ADAMTSL3: variants seen among roughly 807,000 people sequenced by gnomAD.
ADAMTSL3 encodes ADAMTS like 3.
A neutral mutation model predicts 201.7 loss-of-function variants in ADAMTSL3; 128 were observed. That is an observed-to-expected ratio of 0.63 (90% confidence interval 0.55 to 0.73). The LOEUF is 0.73. Among genes scored for constraint, ADAMTSL3 ranks in the 30% least tolerant of loss-of-function variants. ADAMTSL3 has a pLI of 0.00. For synonymous variants in ADAMTSL3, 738 were observed against 748.4 expected (o/e 0.99, Z 0.23); for missense variants, 1,990 against 2,119.6 (o/e 0.94, Z 1.20).
Position 83,990,902 on chromosome 15 carries a change from A to AT in ADAMTSL3, c.3845-183dup, listed in dbSNP as rs149978706. On this transcript the variant is annotated intron_variant, in intron 22 of 29. Transcript: ENST00000286744. Reference sequence around the variant, plus strand: ...TCTATCCATTCATCCATCTGTCCGTATGTCCACTGAGCACCTCCAGGTATG... The same window carrying AT: ...TCTATCCATTCATCCATCTGTCCGTATTGTCCACTGAGCACCTCCAGGTATG... 9.1e-3 allele frequency among the ~76,000 whole-genome samples: 1,379 copies of AT among 152,196 alleles called. 23 individuals are homozygous for AT. The highest frequency in any genetic ancestry group is 0.032 in the African/African-American group (1,316 of 41,524).
chr15:83,918,201 A>T (rs114643077), intron 16 of ADAMTSL3, among the ~76,000 whole-genome samples: 21 of 152,254 alleles, frequency 1.4e-4, no homozygotes, highest in African/African-American at 5.1e-4. Flanking sequence ...GATAATGCCA[A>T]CCTTGTTTTG....
At chr15:83,667,163 T>C (rs955495061) in intron 2 of ADAMTSL3, among the ~76,000 whole-genome samples, 4 of 152,132 alleles carry the variant, frequency 2.6e-5, no homozygotes, top group Admixed American at 1.3e-4. Context: ...CCTAGTCTTA[T>C]ATTTCTTTTT....
At chr15:83,973,043 C>T (rs2067223999) in intron 20 of ADAMTSL3, among the ~76,000 whole-genome samples, 1 of 152,162 alleles carries the variant, frequency 6.6e-6, no homozygotes, top group Non-Finnish European at 1.5e-5. Context: ...TTCTTCAGGA[C>T]ACACCACCAC....
rs548839306 is a variant in ADAMTSL3 at position 83,821,758 on chromosome 15, T to C, written c.600+1711T>C. Among the ~76,000 whole-genome samples, 214 of 152,252 alleles carry C rather than the reference T, an allele frequency of 1.4e-3. 2 individuals carry two copies. Among genetic ancestry groups the C allele is most frequent in the Non-Finnish European group, 1.9e-3 (129 of 68,012 alleles). On this transcript the variant is annotated intron_variant, in intron 6 of 29. Coordinates refer to ENST00000286744, the MANE Select transcript of ADAMTSL3 (RefSeq NM_207517.3). ...GGCCCGTTCTCAATGAGCTGTTGGGTACACCTCCCAGACGGGGTGGTGGCC... is the reference window on the plus strand; with the variant it reads ...GGCCCGTTCTCAATGAGCTGTTGGGCACACCTCCCAGACGGGGTGGTGGCC...
At chr15:83,714,712 C>A (rs377557747) in intron 3 of ADAMTSL3, among the ~76,000 whole-genome samples, 1 of 127,328 alleles carries the variant, frequency 7.9e-6, no homozygotes, top group East Asian at 2.4e-4. Context: ...TTCCCTCCTT[C>A]CCTCTTTCTT....
At chr15:83,880,247 A>G (rs938244654) in intron 9 of ADAMTSL3, among the ~76,000 whole-genome samples, 1 of 152,116 alleles carries the variant, frequency 6.6e-6, no homozygotes, top group Admixed American at 6.5e-5. Context: ...ATGTATTTAT[A>G]TGTAATTATA....
intron 6 of ADAMTSL3, among the ~76,000 whole-genome samples, chr15:83,824,652 C>T (rs770291017): frequency 6.6e-6 from 1 of 152,160 alleles, no homozygotes; most frequent in Non-Finnish European, 1.5e-5. Flanking sequence ...TCTCTCCTCG[C>T]TAACCCCTGG....
chr15:83,975,677 T>TCGGG (rs1326770311), intron 20 of ADAMTSL3, among the ~76,000 whole-genome samples: 1 of 152,118 alleles, frequency 6.6e-6, no homozygotes, highest in East Asian at 1.9e-4. Context: ...TGTCTGTTCA[T>TCGGG]CGGGCCCACA....
rs562100504 is a variant in ADAMTSL3, at chr15:83,823,085, A to G, written c.600+3038A>G. Among the ~76,000 whole-genome samples the G allele has an allele frequency of 5.7e-4, 86 of 151,838 alleles. No individual in the cohort carries two copies. The East Asian group carries it at 0.016, about 29-fold the overall frequency. The stretch of plus-strand genomic sequence containing the variant: ...CGGCGCGCGCCTGCAAATTGCAGGC[A>G]CTCGGCAGGCTGAGGCAGGAGAATG... On this transcript the variant is annotated intron_variant, in intron 6 of 29. Coordinates refer to ENST00000286744, the MANE Select transcript of ADAMTSL3 (RefSeq NM_207517.3).
intron 4 of ADAMTSL3, among the ~76,000 whole-genome samples, chr15:83,795,768 A>G (rs926288144): frequency 3.3e-4 from 50 of 152,216 alleles, no homozygotes; most frequent in African/African-American, 1.1e-3. Flanking sequence ...GGAAATTAAT[A>G]TGAAAATTGA....
intron 7 of ADAMTSL3, among the ~76,000 whole-genome samples, chr15:83,848,123 C>T (rs923320432): frequency 6.7e-6 from 1 of 150,290 alleles, no homozygotes; most frequent in African/African-American, 2.5e-5. Flanking sequence ...AAATACTCGA[C>T]AGAAAATTTT....
At chr15:83,689,685 C>T (rs2061586065) in intron 2 of ADAMTSL3, among the ~76,000 whole-genome samples, 2 of 152,128 alleles carry the variant, frequency 1.3e-5, no homozygotes, top group South Asian at 4.1e-4. Context: ...ATTTAGAAAT[C>T]TGCCTTCATT....
At chr15:83,715,613 G>C (rs1196209476) in intron 3 of ADAMTSL3, among the ~76,000 whole-genome samples, 1 of 152,170 alleles carries the variant, frequency 6.6e-6, no homozygotes, top group Non-Finnish European at 1.5e-5. Flanking sequence ...GCTCCAGATT[G>C]TACTCTGCAG....
intron 19 of ADAMTSL3, among the ~76,000 whole-genome samples, chr15:83,963,036 C>T (rs894969756): frequency 6.6e-6 from 1 of 152,162 alleles, no homozygotes; most frequent in African/African-American, 2.4e-5. Context: ...CCAGGAGATT[C>T]CCCCGGGTGC....
At position 83,891,313 on chromosome 15, in the gene ADAMTSL3, A is replaced by G. The variant is rs200042144; in HGVS notation, c.1212-16A>G. On this transcript the variant is annotated splice_polypyrimidine_tract_variant and intron_variant, in intron 11 of 29. Coordinates refer to ENST00000286744, the MANE Select transcript of ADAMTSL3 (RefSeq NM_207517.3). ...TTATTATAGAAATGATATTCTCACA[A>G]TGATTTCATTTGTAGTGATGGATTT... 4.2e-5 allele frequency: 67 copies of G among 1,586,784 alleles called. No individual in the cohort carries two copies. The African/African-American group carries it at 6.9e-4, about 16-fold the overall frequency.
At chr15:83,891,677 C>A (rs1331466744) in intron 12 of ADAMTSL3, among the ~76,000 whole-genome samples, 1 of 152,060 alleles carries the variant, frequency 6.6e-6, no homozygotes, top group Non-Finnish European at 1.5e-5. Context: ...CCTTTTATAC[C>A]GAGATGAGTA....
chr15:83,714,807 C>CTTTCTTTCTTTCTTTCTTTT (rs1555433231), intron 3 of ADAMTSL3, among the ~76,000 whole-genome samples: 1 of 71,034 alleles, frequency 1.4e-5, no homozygotes. Context: ...CTCTTTCTTT[C>CTTTCTTTCTTTCTTTCTTTT]TTCTTTCTTT....
intron 17 of ADAMTSL3, among the ~76,000 whole-genome samples, chr15:83,942,316 A>C (rs1487380460): frequency 6.6e-6 from 1 of 152,190 alleles, no homozygotes; most frequent in African/African-American, 2.4e-5. Context: ...TATTTTTGAT[A>C]TATAGTGGTA....
chr15:83,992,716 CAA>C (rs753742109), intron 23 of ADAMTSL3, among the ~76,000 whole-genome samples: 1 of 152,196 alleles, frequency 6.6e-6, no homozygotes, highest in Non-Finnish European at 1.5e-5. Context: ...TATCGGAAGT[CAA>C]AGACTGGATT....
Sources: gnomAD v4.1 joint callset for allele counts (sites outside exome capture counted in the v4.1 genomes callset) on GRCh38, gnomAD v4.1.1 for gene constraint, MANE v1.5 for transcripts, NCBI Gene and HGNC (gene_info 2026-07-23, HGNC 2026-07-21) for gene names.